Variants in PPARGC1A observed in about 807,000 individuals in gnomAD.
The protein encoded by PPARGC1A is peroxisome proliferator-activated receptor gamma coactivator 1-alpha.
In PPARGC1A, 25 loss-of-function variants were observed where a neutral mutation model predicts 88.7. The ratio of observed to expected loss-of-function variants is 0.28; its 90% CI spans 0.21 to 0.39. The LOEUF (loss-of-function observed/expected upper bound fraction) is 0.39. PPARGC1A is among the 10% of genes least tolerant of loss of function. PPARGC1A has a pLI of 1.00. For missense variants in PPARGC1A, 880 were observed against 968.7 expected, an observed-to-expected ratio of 0.91 and a Z score of 1.22; for synonymous variants, 363 against 355.6, an observed-to-expected ratio of 1.02 and a Z score of -0.24.
chr4:24,350,212 T>A, the PPARGC1A span, among the ~76,000 whole-genome samples: 1 of 152,120 alleles, frequency 6.6e-6, no homozygotes, highest in Non-Finnish European at 1.5e-5. Flanking sequence ...GGATTGCTGG[T>A]TTGTTCTTGC....
chr4:24,427,238 A>AT, the PPARGC1A span, among the ~76,000 whole-genome samples: 18 of 149,644 alleles, frequency 1.2e-4, no homozygotes, highest in Admixed American at 2.0e-4. Flanking sequence ...TACTTAAAAT[A>AT]TTTTTTTCAA....
chr4:24,445,273 C>G, the PPARGC1A span, among the ~76,000 whole-genome samples: 1 of 152,210 alleles, frequency 6.6e-6, no homozygotes, highest in African/African-American at 2.4e-5. Context: ...AATAAGATCT[C>G]AAGACTGATT....
chr4:24,307,557 A>G, the PPARGC1A span, among the ~76,000 whole-genome samples: 1 of 152,292 alleles, frequency 6.6e-6, no homozygotes, highest in South Asian at 2.1e-4. Flanking sequence ...GCTATCCCCA[A>G]AATAAGAGGA....
the PPARGC1A span, among the ~76,000 whole-genome samples, chr4:24,170,374 T>C: frequency 6.6e-6 from 1 of 152,206 alleles, no homozygotes; most frequent in Non-Finnish European, 1.5e-5. Context: ...TACTATAAAG[T>C]ATCTGTTGGA....
Position 23,814,550 on chromosome 4 carries a change from C to T in PPARGC1A, c.933G>A (p.Arg311=). 1 of 1,611,052 alleles carries T rather than the reference C, an allele frequency of 6.2e-7. No individual in the cohort carries two copies. The highest frequency in any genetic ancestry group is 8.5e-7 in the Non-Finnish European group (1 of 1,179,376). The change falls in exon 8 of 13, where the codon AGG becomes AGA. Residue 311 remains arginine (R), a synonymous_variant. Coordinates refer to ENST00000264867, the MANE Select transcript of PPARGC1A (RefSeq NM_013261.5). ...AAGAGGACTTCAGCTTTGGAGAAGCCCTAAAAGGGTTATCTTGGTTGGCTT... is the reference window on the plus strand; with the variant it reads ...AAGAGGACTTCAGCTTTGGAGAAGCTCTAAAAGGGTTATCTTGGTTGGCTT... ...PHKANQDNPF[R]ASPKLKSSCK... is the part of the protein sequence containing the mutation.
intron 2 of PPARGC1A, chr4:23,880,048 C>G (rs548034046): frequency 6.7e-6 from 1 of 150,318 alleles, no homozygotes; most frequent in Non-Finnish European, 1.5e-5. Flanking sequence ...CACATACATA[C>G]ACACACATAT....
the PPARGC1A span, among the ~76,000 whole-genome samples, chr4:23,959,017 C>CAAAAAAAAAAAAAAAAAAAAA: frequency 7.2e-6 from 1 of 138,856 alleles, no homozygotes. Flanking sequence ...TTTACCAAAC[C>CAAAAAAAAAAAAAAAAAAAAA]AAAAAAAAAA....
At chr4:23,884,718 A>G (rs776588916) in intron 2 of PPARGC1A, 34 bp downstream of exon 2, 4 of 1,584,324 alleles carry the variant, frequency 2.5e-6, no homozygotes, top group Non-Finnish European at 3.4e-6. Context: ...GCCAAACTCA[A>G]TGAAAAATTA....
the PPARGC1A span, among the ~76,000 whole-genome samples, chr4:23,959,691 T>A: frequency 8.5e-5 from 13 of 152,116 alleles, no homozygotes; most frequent in African/African-American, 3.1e-4. Flanking sequence ...CCTATGAAGA[T>A]GGAAGGAGAA....
At position 23,886,448 on chromosome 4, in the gene PPARGC1A, G is replaced by A. The variant is rs1716908367; in HGVS notation, c.55-1517C>T. Among the ~76,000 whole-genome samples the A allele has an allele frequency of 3.9e-5, 6 of 152,008 alleles. No individual in the cohort carries two copies. The South Asian group carries it at 1.2e-3, about 32-fold the overall frequency. On this transcript the variant is annotated intron_variant, in intron 1 of 12. Coordinates refer to ENST00000264867, the MANE Select transcript of PPARGC1A (RefSeq NM_013261.5). ...AGTTGGTAAGGGGAGGATGGGGGGA[G>A]ACTGAAAATCATTGCCATCCTTCTC...
the PPARGC1A span, among the ~76,000 whole-genome samples, chr4:23,973,192 A>G: frequency 6.6e-6 from 1 of 151,438 alleles, no homozygotes; most frequent in African/African-American, 2.4e-5. Flanking sequence ...GAAGGAAGAA[A>G]AAATTTAGAG....
chr4:24,160,063 A>C, the PPARGC1A span, among the ~76,000 whole-genome samples: 1 of 152,198 alleles, frequency 6.6e-6, no homozygotes, highest in Non-Finnish European at 1.5e-5. Context: ...TGGGAAATTC[A>C]GTGGTTTTCA....
chr4:23,907,407 T>C (rs1176620694), upstream of PPARGC1A, among the ~76,000 whole-genome samples: 6 of 152,314 alleles, frequency 3.9e-5, no homozygotes, highest in South Asian at 1.0e-3. Context: ...TTGCAAATTA[T>C]GCATTTAAAG....
intron 10 of PPARGC1A, among the ~76,000 whole-genome samples, chr4:23,804,747 T>G (rs1190432218): frequency 6.6e-6 from 1 of 152,096 alleles, no homozygotes; most frequent in African/African-American, 2.4e-5. Context: ...TGCACCTTCC[T>G]TCCCAAAGCC....
At chr4:23,918,803 C>T in the PPARGC1A span, among the ~76,000 whole-genome samples, 8 of 152,070 alleles carry the variant, frequency 5.3e-5, no homozygotes, top group African/African-American at 1.9e-4. Context: ...CATTCCAGGG[C>T]TCTGGAAAAG....
the PPARGC1A span, among the ~76,000 whole-genome samples, chr4:24,174,743 G>A: frequency 6.6e-6 from 1 of 152,076 alleles, no homozygotes; most frequent in Non-Finnish European, 1.5e-5. Context: ...GGTTGCCTTT[G>A]TCATCTAACT....
chr4:23,813,741 G>A lies in PPARGC1A; in HGVS notation c.1742C>T (p.Ser581Leu). 5.0e-6 allele frequency: 8 copies of A among 1,612,856 alleles called. No homozygotes were observed. The highest frequency in any genetic ancestry group is 6.8e-6 in the Non-Finnish European group (8 of 1,179,108). ...CCTTGATCTTGACCTGGAATATGGT[G>A]ATCGGGAACACGACCTGTGTCGAGA... is the stretch of plus-strand genomic sequence containing the variant. ...SFSRHRSCSR[S>L]PYSRSRSRSP... Residue 581 changes from serine to leucine, a missense_variant, in exon 8 of 13, where the codon TCA becomes TTA. Ser to Leu is a moderately radical substitution (Grantham distance 145). Coordinates refer to ENST00000264867, the MANE Select transcript of PPARGC1A (RefSeq NM_013261.5).
At chr4:24,312,916 T>G in the PPARGC1A span, among the ~76,000 whole-genome samples, 1 of 151,818 alleles carries the variant, frequency 6.6e-6, no homozygotes, top group African/African-American at 2.4e-5. Context: ...TTAAAACAGT[T>G]ACCATAAAGA....
At chr4:23,877,138 C>G (rs1479962393) in intron 2 of PPARGC1A, among the ~76,000 whole-genome samples, 1 of 152,002 alleles carries the variant, frequency 6.6e-6, no homozygotes, top group Non-Finnish European at 1.5e-5. Flanking sequence ...GATCTCTCTC[C>G]CCTTTTCCCT....
Sources: gnomAD v4.1 joint callset for allele counts (sites outside exome capture counted in the v4.1 genomes callset) on GRCh38, gnomAD v4.1.1 for gene constraint, MANE v1.5 for transcripts, NCBI Gene and HGNC (gene_info 2026-07-23, HGNC 2026-07-21) for gene names.